The following AP4E1 variants were observed in gnomAD, a reference collection of about 807,000 sequenced individuals.
AP4E1 encodes the protein adaptor related protein complex 4 subunit epsilon 1.
Under a neutral mutation model 128.2 loss-of-function variants are expected in AP4E1, and 56 were observed. That is an observed-to-expected ratio of 0.44 (90% CI 0.35 to 0.55). The LOEUF is 0.55. Ranked by LOEUF, AP4E1 falls within the 20% of genes least tolerant of loss-of-function variation. The pLI is 0.00. For synonymous variants in AP4E1, 484 were observed against 473.1 expected (o/e 1.02, Z -0.30); for missense variants, 1,324 against 1,307.7 (o/e 1.01, Z -0.19).
intron 10 of AP4E1, chr15:50,945,815 C>A (rs533861790): frequency 1.3e-5 from 10 of 772,106 alleles, no homozygotes; most frequent in South Asian, 1.1e-4. Flanking sequence ...CAGCATCATC[C>A]TGATATAAAA....
At chr15:50,969,527 CA>C (rs1304735069) in intron 15 of AP4E1, among the ~76,000 whole-genome samples, 1 of 149,154 alleles carries the variant, frequency 6.7e-6, no homozygotes, top group Non-Finnish European at 1.5e-5. Flanking sequence ...TCTTAATTGA[CA>C]AATAATTATA....
chr15:50,921,113 A>AT (rs1270549445), intron 3 of AP4E1, among the ~76,000 whole-genome samples: 4 of 54,666 alleles, frequency 7.3e-5, no homozygotes, highest in Non-Finnish European at 1.3e-4. Flanking sequence ...AGAATGCCTT[A>AT]TTATTTTTTT....
At chr15:50,972,198 GTTTCTTTCTTTC>G (rs145100423) in intron 15 of AP4E1, among the ~76,000 whole-genome samples, 2 of 150,966 alleles carry the variant, frequency 1.3e-5, no homozygotes. Flanking sequence ...TCTTCATGTA[GTTTCTTTCTTTC>G]TTTCTTTCTT....
At position 50,934,570 on chromosome 15, in the gene AP4E1, T is replaced by G. The variant is rs1284955304; in HGVS notation, c.870-54T>G. On this transcript the variant is annotated intron_variant, in intron 7 of 20. Transcript: ENST00000261842. Reference sequence around the variant, plus strand: ...TTTAAAGAGAAGTTTGAAAAACTGTTTTATTGGGTTAGAATACTATAATTC... The same window carrying G: ...TTTAAAGAGAAGTTTGAAAAACTGTGTTATTGGGTTAGAATACTATAATTC... 9 of 1,266,500 alleles carry G rather than the reference T, an allele frequency of 7.1e-6. No individual in the cohort carries two copies. The South Asian group carries it at 1.1e-4, about 16-fold the overall frequency. 78.5% of individuals were successfully genotyped at this position (1,266,500 alleles called of 1,614,324 possible). A position where few individuals can be genotyped will look rare whatever the true frequency, so the allele number is the denominator to read the frequency against.
intron 3 of AP4E1, among the ~76,000 whole-genome samples, chr15:50,923,407 T>C (rs1195956356): frequency 6.6e-6 from 1 of 152,214 alleles, no homozygotes; most frequent in Non-Finnish European, 1.5e-5. Flanking sequence ...ATTCCCTCAA[T>C]TGAGAAAATA....
chr15:50,923,995 A>G lies in AP4E1; in HGVS notation c.411A>G (p.Thr137=). The change falls in exon 4 of 21, where the codon ACA becomes ACG. Residue 137 remains threonine, a synonymous_variant. Coordinates refer to ENST00000261842, the MANE Select transcript of AP4E1 (RefSeq NM_007347.5). ...SHELLLLLVN[T]VVKDLQSTNL... ...AATTATTGCTTCTCCTTGTGAATAC[A>G]GTTGTAAAGGTATTGTATTGTATGT... is the stretch of plus-strand genomic sequence containing the variant. 6.2e-7 allele frequency: 1 copy of G among 1,607,524 alleles called. No individual in the cohort carries two copies.
chr15:50,986,158 G>A (rs2064720003), intron 16 of AP4E1, among the ~76,000 whole-genome samples: 2 of 152,058 alleles, frequency 1.3e-5, no homozygotes, highest in East Asian at 1.9e-4. Context: ...CATTGATTTT[G>A]TATCCTGAGA....
chr15:50,935,779 C>G (rs897203861), intron 8 of AP4E1, among the ~76,000 whole-genome samples: 5 of 152,166 alleles, frequency 3.3e-5, no homozygotes, highest in Non-Finnish European at 5.9e-5. Context: ...ACTAGTTTAA[C>G]TGAAATAAAA....
chr15:50,974,386 CT>C (rs1178854087), intron 15 of AP4E1, among the ~76,000 whole-genome samples: 2 of 151,796 alleles, frequency 1.3e-5, no homozygotes, highest in Admixed American at 1.3e-4. Context: ...ACTGCCTCAG[CT>C]TCCTGAGTAT....
intron 11 of AP4E1, among the ~76,000 whole-genome samples, chr15:50,948,739 G>C (rs1162364667): frequency 6.6e-6 from 1 of 152,196 alleles, no homozygotes; most frequent in Non-Finnish European, 1.5e-5. Flanking sequence ...TTGGGAGGCT[G>C]AGGCGGGTGG....
Position 50,908,845 on chromosome 15 carries a change from G to A in AP4E1, c.67G>A (p.Gly23Ser), listed in dbSNP as rs373684336. ...PGLFLQNQPG[G>S]GPAAAKASFS... ...ACTCTTTCTGCAGAACCAGCCCGGT[G>A]GTGGGCCCGCGGCCGCCAAGGCGTC... The change falls in exon 1 of 21, where the codon GGT becomes AGT. Residue 23 changes from glycine to serine, a missense_variant. Gly to Ser is a moderately conservative substitution (Grantham distance 56, BLOSUM62 0). Transcript: ENST00000261842. 3 of 1,608,588 alleles carry A rather than the reference G, an allele frequency of 1.9e-6. 1 individual carries two copies. Among genetic ancestry groups the A allele is most frequent in the Admixed American group, 3.4e-5 (2 of 59,592 alleles).
intron 15 of AP4E1, among the ~76,000 whole-genome samples, chr15:50,981,228 G>A (rs1364584295): frequency 6.6e-6 from 1 of 152,162 alleles, no homozygotes; most frequent in Non-Finnish European, 1.5e-5. Flanking sequence ...ATAGATGTGG[G>A]GCTGCCTAAG....
intron 5 of AP4E1, among the ~76,000 whole-genome samples, chr15:50,928,278 T>G (rs2063791654): frequency 6.6e-6 from 1 of 151,682 alleles, no homozygotes; most frequent in Non-Finnish European, 1.5e-5. Flanking sequence ...TGTTAACGAG[T>G]TTTTTTTCTT....
chr15:50,998,339 A>G (rs902057881), intron 18 of AP4E1, among the ~76,000 whole-genome samples: 2 of 152,050 alleles, frequency 1.3e-5, no homozygotes, highest in South Asian at 4.1e-4. Flanking sequence ...GTGCTTTAGA[A>G]TCACCTGTGG....
rs1406345886 is a variant in AP4E1 at position 50,908,803 on chromosome 15, C to G, written c.25C>G (p.Leu9Val). The change falls in exon 1 of 21, where the codon CTG becomes GTG. Residue 9 changes from leucine (L) to valine (V), a missense_variant. Coordinates refer to ENST00000261842, the MANE Select transcript of AP4E1 (RefSeq NM_007347.5). ...GATGAGCGACATAGTGGAGAAGACG[C>G]TGACGGCGCTGCCGGGACTCTTTCT... The part of the protein sequence containing the change: MSDIVEKT[L>V]TALPGLFLQN... 7 of 1,598,232 alleles carry G rather than the reference C, an allele frequency of 4.4e-6. No individual in the cohort carries two copies. The highest frequency in any genetic ancestry group is 1.3e-5 in the African/African-American group (1 of 74,660).
At chr15:50,916,206 A>G (rs2063629362) in intron 3 of AP4E1, among the ~76,000 whole-genome samples, 1 of 152,242 alleles carries the variant, frequency 6.6e-6, no homozygotes, top group Non-Finnish European at 1.5e-5. Context: ...CTGGGATTAC[A>G]GGTGTGAACC....
chr15:50,949,299 G>C (rs1567230157), intron 11 of AP4E1, among the ~76,000 whole-genome samples: 1 of 151,594 alleles, frequency 6.6e-6, no homozygotes, highest in Non-Finnish European at 1.5e-5. Context: ...TGTAGTCCCA[G>C]ATACTCGGGA....
chr15:50,943,675 T>C (rs1224662450), intron 10 of AP4E1, among the ~76,000 whole-genome samples: 2 of 152,184 alleles, frequency 1.3e-5, no homozygotes, highest in Admixed American at 6.5e-5. Context: ...TCCCCACTTA[T>C]TTATGGAAGT....
intron 11 of AP4E1, among the ~76,000 whole-genome samples, chr15:50,949,391 C>T (rs769982518): frequency 4.3e-5 from 6 of 139,302 alleles, no homozygotes; most frequent in Admixed American, 7.7e-5. Flanking sequence ...CCAGGCTTGG[C>T]GACAGAGCAA....
Sources: gnomAD v4.1 joint callset for allele counts (sites outside exome capture counted in the v4.1 genomes callset) on GRCh38, gnomAD v4.1.1 for gene constraint, MANE v1.5 for transcripts, NCBI Gene and HGNC (gene_info 2026-07-23, HGNC 2026-07-21) for gene names.